Variants in CAMK4 observed in about 807,000 individuals in gnomAD.
The protein encoded by CAMK4 is calcium/calmodulin dependent protein kinase IV.
CAMK4 carries 22 observed loss-of-function variants against 44.9 expected under a neutral mutation model. That is an observed-to-expected ratio of 0.49 (90% CI 0.35 to 0.70). The LOEUF is 0.70. Ranked by LOEUF, CAMK4 falls within the 30% of genes least tolerant of loss-of-function variation. The probability of loss-of-function intolerance (pLI) is 0.01; values close to 1 mark genes in which losing one functional copy is unlikely to be tolerated. For missense variants in CAMK4, 498 were observed against 586.8 expected, an observed-to-expected ratio of 0.85 and a Z score of 1.56; for synonymous variants, 218 against 215.4, an observed-to-expected ratio of 1.01 and a Z score of -0.11.
chr5:111,365,851 T>C (rs1356406935), intron 2 of CAMK4, among the ~76,000 whole-genome samples: 1 of 152,126 alleles, frequency 6.6e-6, no homozygotes, highest in Non-Finnish European at 1.5e-5. Context: ...ACCAGCCTCA[T>C]GTAGGAAAAC....
Position 111,344,235 on chromosome 5 carries a change from G to T in CAMK4, c.240+133G>T. ...ACCCATTTGACTCTTGATTACGGGA[G>T]TGCAACCCAAATAGGTTGTTGTCTG... On this transcript the variant is annotated intron_variant, in intron 2 of 10. Transcript: ENST00000282356. 3 of 524,370 alleles carry T rather than the reference G, an allele frequency of 5.7e-6. No homozygotes were observed. The South Asian group carries it at 8.4e-5, about 15-fold the overall frequency. 32.5% of individuals were successfully genotyped at this position (524,370 alleles called of 1,614,324 possible). A position where few individuals can be genotyped will look rare whatever the true frequency, so the allele number is the denominator to read the frequency against.
At chr5:111,330,498 G>T (rs1366588977) in intron 1 of CAMK4, among the ~76,000 whole-genome samples, 2 of 109,948 alleles carry the variant, frequency 1.8e-5, no homozygotes, top group Admixed American at 1.9e-4. Flanking sequence ...TTGTTGTTTG[G>T]TTTTTTGTTG....
chr5:111,479,579 A>T (rs978608267), intron 9 of CAMK4, among the ~76,000 whole-genome samples: 13 of 152,176 alleles, frequency 8.5e-5, no homozygotes, highest in Admixed American at 8.5e-4. Context: ...GAGAATGCTA[A>T]AGACCAGAGA....
intron 7 of CAMK4, among the ~76,000 whole-genome samples, chr5:111,451,281 G>A (rs1193538424): frequency 6.6e-6 from 1 of 151,228 alleles, no homozygotes; most frequent in African/African-American, 2.4e-5. Context: ...AATCAATATA[G>A]TTTTATTCAT....
At chr5:111,380,423 C>T (rs539083145) in intron 4 of CAMK4, among the ~76,000 whole-genome samples, 7 of 151,794 alleles carry the variant, frequency 4.6e-5, no homozygotes, top group Admixed American at 3.3e-4. Context: ...TGTGTCATGG[C>T]GATTTGTTGT....
chr5:111,273,594 T>G (rs1481568013), intron 1 of CAMK4, among the ~76,000 whole-genome samples: 1 of 148,874 alleles, frequency 6.7e-6, no homozygotes, highest in Non-Finnish European at 1.5e-5. Flanking sequence ...TCCTCTTGAC[T>G]GCTTTTCTCT....
chr5:111,363,277 G>A (rs306070), intron 2 of CAMK4, among the ~76,000 whole-genome samples: 131,268 of 152,100 alleles, frequency 0.86, 57,063 homozygotes, highest in East Asian at 1. Context: ...TTAAGTGGCA[G>A]GATGAGAACT....
At chr5:111,224,174 G>C, upstream of CAMK4, 2 of 244,720 alleles carry the variant, frequency 8.2e-6, no homozygotes, top group Non-Finnish European at 7.6e-6. The surrounding 1 kb of genome is among the most constrained non-coding windows in gnomAD (Gnocchi z 5.7). Flanking sequence ...GGCGGGAAAG[G>C]CTCGGCGCGG....
At chr5:111,261,822 C>T (rs1339932199) in intron 1 of CAMK4, among the ~76,000 whole-genome samples, 3 of 152,130 alleles carry the variant, frequency 2.0e-5, no homozygotes, top group Non-Finnish European at 4.4e-5. Context: ...CCAGTTTAGG[C>T]TCTCTGGGGC....
intron 1 of CAMK4, among the ~76,000 whole-genome samples, chr5:111,324,329 T>C (rs190867327): frequency 5.9e-4 from 90 of 151,930 alleles, no homozygotes; most frequent in Non-Finnish European, 1.2e-3. Context: ...TAAAGACAAA[T>C]AGAATGAAAA....
At chr5:111,265,108 G>C (rs1325714803) in intron 1 of CAMK4, among the ~76,000 whole-genome samples, 1 of 151,838 alleles carries the variant, frequency 6.6e-6, no homozygotes. Context: ...CTTGCCCATT[G>C]TCATGAGAAT....
chr5:111,434,356 A>G (rs988060696), intron 5 of CAMK4, among the ~76,000 whole-genome samples: 3 of 152,150 alleles, frequency 2.0e-5, no homozygotes, highest in African/African-American at 7.2e-5. Flanking sequence ...GTGACAATGT[A>G]AATGGGAAGA....
chr5:111,414,892 G>T (rs1752763816), intron 5 of CAMK4, among the ~76,000 whole-genome samples: 1 of 152,094 alleles, frequency 6.6e-6, no homozygotes, highest in Non-Finnish European at 1.5e-5. Flanking sequence ...ATATCCCCTA[G>T]GTTCAAATAT....
chr5:111,303,778 G>A (rs1275450912), intron 1 of CAMK4, among the ~76,000 whole-genome samples: 4 of 141,450 alleles, frequency 2.8e-5, no homozygotes, highest in Non-Finnish European at 4.4e-5. Context: ...AGAGCAACTC[G>A]AAGACACATA....
At chr5:111,483,186 A>G (rs540182582) in intron 10 of CAMK4, among the ~76,000 whole-genome samples, 36 of 152,292 alleles carry the variant, frequency 2.4e-4, no homozygotes, top group African/African-American at 7.7e-4. Context: ...TACATATCAA[A>G]TATATTATTG....
intron 4 of CAMK4, among the ~76,000 whole-genome samples, chr5:111,390,186 G>T (rs1751748959): frequency 1.3e-5 from 2 of 152,194 alleles, no homozygotes; most frequent in South Asian, 4.1e-4. Context: ...TGACCCTAGT[G>T]CTGGTAAAGT....
intron 2 of CAMK4, among the ~76,000 whole-genome samples, chr5:111,346,610 C>G (rs57254821): frequency 0.011 from 1,670 of 151,902 alleles, 32 homozygotes; most frequent in African/African-American, 0.038. Flanking sequence ...TAAATTTATT[C>G]TCTTACAATT....
intron 7 of CAMK4, among the ~76,000 whole-genome samples, chr5:111,453,968 A>C (rs1015542985): frequency 6.6e-6 from 1 of 152,178 alleles, no homozygotes; most frequent in Non-Finnish European, 1.5e-5. Flanking sequence ...TGGACTGGTT[A>C]ATCGGTATGT....
chr5:111,261,280 C>T (rs1220056450), intron 1 of CAMK4, among the ~76,000 whole-genome samples: 2 of 152,180 alleles, frequency 1.3e-5, no homozygotes, highest in East Asian at 1.9e-4. Flanking sequence ...GAGCCTCTGT[C>T]GTCTTCCATC....
Sources: gnomAD v4.1 joint callset for allele counts (sites outside exome capture counted in the v4.1 genomes callset) on GRCh38, gnomAD v4.1.1 for gene constraint, Gnocchi (gnomAD v3.1) non-coding constraint, MANE v1.5 for transcripts, NCBI Gene and HGNC (gene_info 2026-07-23, HGNC 2026-07-21) for gene names.